The following PPM1L variants were observed in gnomAD, a reference collection of about 807,000 sequenced individuals.
PPM1L encodes protein phosphatase 1L.
Under a neutral mutation model 31.4 loss-of-function variants are expected in PPM1L, and 13 were observed. The observed-to-expected ratio is 0.41, with a 90% CI of 0.27 to 0.66. PPM1L has a LOEUF of 0.66. PPM1L is among the 30% of genes least tolerant of loss of function. PPM1L has a pLI of 0.29. For synonymous variants in PPM1L, 184 were observed against 175.4 expected, an observed-to-expected ratio of 1.05 and a Z score of -0.39; for missense variants, 326 against 453.7, an observed-to-expected ratio of 0.72 and a Z score of 2.56.
intron 2 of PPM1L, 44 bp from the exon 3 acceptor site, chr3:161,065,359 T>G: frequency 6.3e-7 from 1 of 1,589,414 alleles, no homozygotes; most frequent in South Asian, 1.1e-5. Context: ...GGAACCTGAA[T>G]GCACTGCTGA....
chr3:160,853,904 G>A (rs1238707446), intron 1 of PPM1L, among the ~76,000 whole-genome samples: 1 of 151,842 alleles, frequency 6.6e-6, no homozygotes, highest in African/African-American at 2.4e-5. Context: ...AAGAGAGCAT[G>A]TAAGGTCAAA....
intron 1 of PPM1L, among the ~76,000 whole-genome samples, chr3:160,840,515 C>T (rs1032495957): frequency 6.6e-5 from 10 of 152,054 alleles, no homozygotes; most frequent in South Asian, 2.1e-4. Context: ...CTACAGTGGA[C>T]GGCATGCAAG....
chr3:161,064,378 A>G (rs1252792680), intron 2 of PPM1L, among the ~76,000 whole-genome samples: 2 of 151,162 alleles, frequency 1.3e-5, no homozygotes, highest in Admixed American at 1.3e-4. Flanking sequence ...TAAAAAAAGA[A>G]AAAAAAAATC....
intron 1 of PPM1L, among the ~76,000 whole-genome samples, chr3:160,915,956 C>T (rs540208587): frequency 6.3e-4 from 96 of 152,258 alleles, no homozygotes; most frequent in African/African-American, 2.3e-3. Context: ...CATAAAAACC[C>T]TTGAAGAAAA....
In PPM1L at chr3:160,788,266, T is replaced by A. The variant is rs573398113; in HGVS notation, c.399+31559T>A. Among the ~76,000 whole-genome samples, 66 of 152,304 alleles carry A rather than the reference T, an allele frequency of 4.3e-4. No individual in the cohort carries two copies. In the East Asian group the frequency reaches 0.012, roughly 28 times the overall value. Reference sequence around the variant, plus strand: ...CATGAGCATGGAATGTTTTTCCATTTGTTTGTGTCATCTCTGATTTCTTTC... The same window carrying A: ...CATGAGCATGGAATGTTTTTCCATTAGTTTGTGTCATCTCTGATTTCTTTC... On this transcript the variant is annotated intron_variant, in intron 1 of 3. Coordinates refer to ENST00000498165, the MANE Select transcript of PPM1L (RefSeq NM_139245.4).
intron 1 of PPM1L, among the ~76,000 whole-genome samples, chr3:160,896,587 C>T (rs1481876851): frequency 6.6e-6 from 1 of 152,152 alleles, no homozygotes; most frequent in Admixed American, 6.5e-5. Flanking sequence ...CTTCCTACCC[C>T]TTTTAAAAAG....
chr3:160,940,408 C>T (rs1001097740), intron 1 of PPM1L, among the ~76,000 whole-genome samples: 2 of 152,188 alleles, frequency 1.3e-5, no homozygotes, highest in South Asian at 2.1e-4. Context: ...GACCTCATGG[C>T]AGCCCCTCCC....
chr3:160,957,185 TA>T (rs1371810593), intron 1 of PPM1L, among the ~76,000 whole-genome samples: 1 of 152,240 alleles, frequency 6.6e-6, no homozygotes, highest in Admixed American at 6.5e-5. Flanking sequence ...GTTACTTTGC[TA>T]AGGATAATGG....
chr3:160,785,090 T>C (rs752636527), intron 1 of PPM1L, among the ~76,000 whole-genome samples: 2 of 152,124 alleles, frequency 1.3e-5, no homozygotes, highest in African/African-American at 4.8e-5. Flanking sequence ...ATCCAGTCCA[T>C]TTTTTTCCTT....
chr3:161,037,887 A>C (rs1379091963), intron 2 of PPM1L, among the ~76,000 whole-genome samples: 2 of 152,012 alleles, frequency 1.3e-5, no homozygotes, highest in East Asian at 3.9e-4. Context: ...TGTTGAATGA[A>C]TCTATCTTGT....
intron 2 of PPM1L, among the ~76,000 whole-genome samples, chr3:160,994,982 G>C (rs553624940): frequency 1.5e-4 from 23 of 152,286 alleles, no homozygotes; most frequent in African/African-American, 5.1e-4. Context: ...CAAGGCAGAG[G>C]ATGATAGGAT....
intron 1 of PPM1L, among the ~76,000 whole-genome samples, chr3:160,910,577 T>A (rs1429176652): frequency 6.6e-6 from 1 of 152,112 alleles, no homozygotes; most frequent in East Asian, 1.9e-4. Flanking sequence ...TCCCAAAGTG[T>A]TGGGATTACA....
At chr3:160,948,846 G>A (rs1033469540) in intron 1 of PPM1L, among the ~76,000 whole-genome samples, 2 of 152,106 alleles carry the variant, frequency 1.3e-5, no homozygotes, top group African/African-American at 4.8e-5. Context: ...GGAGGGTCTT[G>A]TACAACCCTA....
At chr3:160,764,475 C>T (rs112862883) in intron 1 of PPM1L, among the ~76,000 whole-genome samples, 2,348 of 85,494 alleles carry the variant, frequency 0.027, 54 homozygotes, top group African/African-American at 0.14. Flanking sequence ...CTCTCTCTCT[C>T]TTTTTTTTTT....
chr3:161,024,804 CCAA>C (rs1351762370), intron 2 of PPM1L, among the ~76,000 whole-genome samples: 3 of 152,032 alleles, frequency 2.0e-5, no homozygotes, highest in Non-Finnish European at 4.4e-5. Flanking sequence ...CTTCAGAGTT[CCAA>C]ACCTCCTCAT....
At chr3:160,822,808 A>T (rs1361477765) in intron 1 of PPM1L, among the ~76,000 whole-genome samples, 1 of 152,146 alleles carries the variant, frequency 6.6e-6, no homozygotes, top group Non-Finnish European at 1.5e-5. Flanking sequence ...ATAGTGGAGT[A>T]TCTATTATGT....
At chr3:160,823,614 G>A (rs964036555) in intron 1 of PPM1L, among the ~76,000 whole-genome samples, 2 of 151,834 alleles carry the variant, frequency 1.3e-5, no homozygotes, top group Middle Eastern at 3.2e-3. Flanking sequence ...TATAGAAATG[G>A]CCAGAAATAA....
rs761292554 is a variant in PPM1L at position 160,961,863 on chromosome 3, T to C, written c.527T>C (p.Ile176Thr). ...QTILEQQILS[I>T]DREMLEKLTV... ...ATCCTTGAACAGCAGATTTTGTCAA[T>C]TGACCGAGAAATGCTAGAAAAATTG... is the stretch of plus-strand genomic sequence containing the variant. The change falls in exon 2 of 4, where the codon ATT becomes ACT. Residue 176 changes from isoleucine (I) to threonine (T), a missense_variant. Physicochemically the swap from Ile to Thr is moderately conservative, Grantham distance 89. Transcript: ENST00000498165. 8 of 1,595,720 alleles carry C rather than the reference T, an allele frequency of 5.0e-6. No homozygotes were observed. In the Admixed American group the frequency reaches 1.2e-4, roughly 25 times the overall value.
At chr3:161,026,869 G>T (rs1718414386) in intron 2 of PPM1L, among the ~76,000 whole-genome samples, 1 of 152,106 alleles carries the variant, frequency 6.6e-6, no homozygotes, top group Admixed American at 6.5e-5. Flanking sequence ...TTTAAATCCT[G>T]GAGGCTATTG....
Sources: allele counts gnomAD v4.1 joint callset (sites outside exome capture counted in the v4.1 genomes callset), GRCh38; gene constraint gnomAD v4.1.1; transcripts MANE v1.5; gene names NCBI Gene and HGNC (gene_info 2026-07-23, HGNC 2026-07-21).